ANKS1B: variants seen among roughly 807,000 people sequenced by gnomAD.
ANKS1B encodes ankyrin repeat and sterile alpha motif domain containing 1B.
A neutral mutation model predicts 148.3 loss-of-function variants in ANKS1B; 36 were observed. The ratio of observed to expected loss-of-function variants is 0.24; its 90% confidence interval spans 0.19 to 0.32. The LOEUF is 0.32. ANKS1B is among the 10% of genes least tolerant of loss of function. ANKS1B has a pLI of 1.00. For missense variants in ANKS1B, 1,157 were observed against 1,542.6 expected (o/e 0.75, Z 4.19); for synonymous variants, 542 against 560.8 (o/e 0.97, Z 0.47).
intron 1 of ANKS1B, among the ~76,000 whole-genome samples, chr12:99,833,007 A>T (rs1303378624): frequency 1.3e-5 from 2 of 152,230 alleles, no homozygotes; most frequent in Non-Finnish European, 2.9e-5. Context: ...GCTTATTTAT[A>T]GCCACACGAC....
At chr12:99,500,344 C>T (rs1480464415) in intron 10 of ANKS1B, among the ~76,000 whole-genome samples, 1 of 152,110 alleles carries the variant, frequency 6.6e-6, no homozygotes, top group Non-Finnish European at 1.5e-5. Context: ...AGGCAGTAGT[C>T]AGGAGGAAAC....
At chr12:99,768,232 T>G (rs1025366097) in intron 8 of ANKS1B, among the ~76,000 whole-genome samples, 4 of 152,312 alleles carry the variant, frequency 2.6e-5, no homozygotes, top group Admixed American at 2.0e-4. Flanking sequence ...GAAATTAAAT[T>G]TTAACTGAAC....
chr12:99,791,405 T>A (rs536023764), intron 4 of ANKS1B, among the ~76,000 whole-genome samples: 1 of 151,890 alleles, frequency 6.6e-6, no homozygotes, highest in East Asian at 1.9e-4. Context: ...TTGGTCTTAA[T>A]CTGCACTTTA....
intron 1 of ANKS1B, among the ~76,000 whole-genome samples, chr12:99,888,656 C>T (rs2092945294): frequency 6.6e-6 from 1 of 152,142 alleles, no homozygotes; most frequent in Non-Finnish European, 1.5e-5. Flanking sequence ...TTAAAGACTA[C>T]TTTCACTAAC....
intron 14 of ANKS1B, chr12:99,154,829 T>G: frequency 6.6e-7 from 1 of 1,520,958 alleles, no homozygotes; most frequent in Non-Finnish European, 8.8e-7. Context: ...TGCAGCTCCA[T>G]GCTCCTTGCT....
At chr12:98,878,169 T>C (rs76224674) in intron 17 of ANKS1B, among the ~76,000 whole-genome samples, 194 of 145,674 alleles carry the variant, frequency 1.3e-3, no homozygotes, top group African/African-American at 4.6e-3. Flanking sequence ...ATTTTTTTTT[T>C]CCCTAATGAG....
intron 11 of ANKS1B, among the ~76,000 whole-genome samples, chr12:99,426,081 CTG>C (rs2095249114): frequency 6.6e-6 from 1 of 152,080 alleles, no homozygotes; most frequent in Admixed American, 6.5e-5. Flanking sequence ...TCATTTGTAA[CTG>C]TTGTGACAGA....
chr12:99,643,372 G>C (rs2098329109), intron 9 of ANKS1B, among the ~76,000 whole-genome samples: 1 of 152,174 alleles, frequency 6.6e-6, no homozygotes, highest in Non-Finnish European at 1.5e-5. Flanking sequence ...TATGACAAGT[G>C]TAGCGAAACA....
chr12:98,776,971 G>C (rs1230558147), intron 24 of ANKS1B, among the ~76,000 whole-genome samples: 1 of 152,192 alleles, frequency 6.6e-6, no homozygotes, highest in African/African-American at 2.4e-5. Flanking sequence ...CAGAAATATT[G>C]CTTGAAGCAA....
chr12:99,425,676 C>T (rs895684248), intron 11 of ANKS1B, among the ~76,000 whole-genome samples: 18 of 151,776 alleles, frequency 1.2e-4, no homozygotes, highest in East Asian at 7.7e-4. Flanking sequence ...TGATATTCAG[C>T]GCCATTAATC....
chr12:99,027,676 T>TG, intron 17 of ANKS1B, among the ~76,000 whole-genome samples: 1 of 152,350 alleles, frequency 6.6e-6, no homozygotes, highest in Admixed American at 6.5e-5. Context: ...ACTGAGTCTG[T>TG]GGCCCAGTGC....
intron 10 of ANKS1B, among the ~76,000 whole-genome samples, chr12:99,501,328 A>C (rs761792317): frequency 7.2e-5 from 11 of 152,170 alleles, no homozygotes; most frequent in Non-Finnish European, 4.4e-5. Context: ...TAATAATAGG[A>C]AAATTATTCA....
intron 14 of ANKS1B, among the ~76,000 whole-genome samples, chr12:99,193,027 A>G (rs1050765844): frequency 6.6e-6 from 1 of 152,222 alleles, no homozygotes; most frequent in African/African-American, 2.4e-5. Flanking sequence ...TCTGTCTTCC[A>G]TCTCTTAGAC....
At chr12:99,037,054 A>G (rs535135430) in intron 17 of ANKS1B, among the ~76,000 whole-genome samples, 30 of 152,358 alleles carry the variant, frequency 2.0e-4, no homozygotes, top group Middle Eastern at 3.4e-3. Context: ...AGTGGAACAA[A>G]GTAGATGTTT....
intron 8 of ANKS1B, among the ~76,000 whole-genome samples, chr12:99,757,625 A>G (rs2061691217): frequency 6.6e-6 from 1 of 152,128 alleles, no homozygotes; most frequent in Non-Finnish European, 1.5e-5. Flanking sequence ...TCTATTATAA[A>G]GACGAATGCA....
chr12:99,408,246 G>T (rs1338745129), intron 11 of ANKS1B, among the ~76,000 whole-genome samples: 1 of 145,546 alleles, frequency 6.9e-6, no homozygotes, highest in Admixed American at 6.8e-5. Context: ...CATACACAAG[G>T]TTACATAAGG....
At chr12:99,150,390 C>A (rs77375135) in intron 15 of ANKS1B, among the ~76,000 whole-genome samples, 2 of 152,164 alleles carry the variant, frequency 1.3e-5, no homozygotes, top group African/African-American at 2.4e-5. Context: ...GTATTTTTTT[C>A]ATGTCAAATG....
chr12:99,180,539 G>A lies in ANKS1B; in HGVS notation c.2420-26144C>T, dbSNP rs117738401. 4.2e-3 allele frequency among the ~76,000 whole-genome samples: 632 copies of A among 151,856 alleles called. 24 individuals carry two copies. In the East Asian group the frequency reaches 0.086, roughly 21 times the overall value. ...TCACTGTTGGAGGTTTGTTTCTTAGGTAATCAAGGCTGATCACTGGATTTC... is the reference window on the plus strand; with the variant it reads ...TCACTGTTGGAGGTTTGTTTCTTAGATAATCAAGGCTGATCACTGGATTTC... On this transcript the variant is annotated intron_variant, in intron 14 of 26. Coordinates refer to ENST00000683438, the MANE Select transcript of ANKS1B (RefSeq NM_001352186.2).
intron 9 of ANKS1B, among the ~76,000 whole-genome samples, chr12:99,525,549 C>T (rs569341122): frequency 2.0e-5 from 3 of 152,122 alleles, no homozygotes; most frequent in African/African-American, 7.2e-5. Flanking sequence ...AAAGAAGGTT[C>T]TGATGCTTGC....
Sources: gnomAD v4.1 joint callset for allele counts (sites outside exome capture counted in the v4.1 genomes callset) on GRCh38, gnomAD v4.1.1 for gene constraint, MANE v1.5 for transcripts, NCBI Gene and HGNC (gene_info 2026-07-23, HGNC 2026-07-21) for gene names.